The following HMG20A variants were observed in gnomAD, a reference collection of about 807,000 sequenced individuals.
HMG20A encodes the protein high mobility group 20A.
In HMG20A, 17 loss-of-function variants were observed where a neutral mutation model predicts 43.9. The ratio of observed to expected loss-of-function variants is 0.39; its 90% CI spans 0.27 to 0.58. The LOEUF is 0.58. HMG20A is among the 20% of genes least tolerant of loss of function. The pLI, the probability that HMG20A is intolerant of heterozygous loss-of-function variation, is 0.59. For missense variants in HMG20A, 341 were observed against 438.2 expected (o/e 0.78, Z 1.98); for synonymous variants, 132 against 147.5 (o/e 0.89, Z 0.76).
downstream of HMG20A, among the ~76,000 whole-genome samples, chr15:77,490,456 G>A (rs2072966481): frequency 6.6e-6 from 1 of 152,144 alleles, no homozygotes; most frequent in Non-Finnish European, 1.5e-5. Context: ...GATTAATTCA[G>A]GATATAGTTT....
At chr15:77,491,611 C>T in the HMG20A span, among the ~76,000 whole-genome samples, 1,527 of 152,216 alleles carry the variant, frequency 0.01, 32 homozygotes, top group African/African-American at 0.035. Flanking sequence ...CAAAAGCTAA[C>T]TACAATAGGG....
intron 1 of HMG20A, among the ~76,000 whole-genome samples, chr15:77,438,047 C>G (rs1342887804): frequency 2.0e-5 from 3 of 151,958 alleles, no homozygotes; most frequent in Non-Finnish European, 4.4e-5. Flanking sequence ...GCCTTGAACT[C>G]CTAGGCAAAA....
At position 77,467,150 on chromosome 15, in the gene HMG20A, G is replaced by A. The variant is rs907628482; in HGVS notation, c.293G>A (p.Arg98Gln). Residue 98 changes from arginine (R) to glutamine (Q), a missense_variant, in exon 4 of 10, where the codon CGA (arginine) becomes CAA (glutamine). By Grantham distance (43) the Arg-to-Gln change is conservative. Around this residue, in one of 3 missense-constraint regions of HMG20A, gnomAD observed 220 missense variants for 263.6 expected, o/e 0.83. Coordinates refer to ENST00000336216, the MANE Select transcript of HMG20A (RefSeq NM_001304504.2). ...SKGRKRKKPL[R>Q]DSNAPKSPLT... ...GGAAGAAAGAGGAAGAAACCTCTTC[G>A]AGACAGCAATGCACCCAAATCCCCC... The A allele has an allele frequency of 2.5e-6, 4 of 1,613,962 alleles. No individual in the cohort carries two copies. The highest frequency in any genetic ancestry group is 2.7e-5 in the African/African-American group (2 of 74,898).
chr15:77,490,292 A>G (rs1374000710), downstream of HMG20A, among the ~76,000 whole-genome samples: 1 of 152,116 alleles, frequency 6.6e-6, no homozygotes, highest in East Asian at 1.9e-4. Context: ...TGTCTCAAAA[A>G]ATAAAAAGTA....
At chr15:77,452,215 A>G (rs2072609530) in intron 1 of HMG20A, among the ~76,000 whole-genome samples, 1 of 152,210 alleles carries the variant, frequency 6.6e-6, no homozygotes, top group Non-Finnish European at 1.5e-5. Context: ...ACATAATTGT[A>G]TTTGCTCATC....
chr15:77,427,283 A>T (rs2142267823), intron 1 of HMG20A, among the ~76,000 whole-genome samples: 1 of 152,312 alleles, frequency 6.6e-6, no homozygotes, highest in African/African-American at 2.4e-5. Flanking sequence ...ATTCATTTGA[A>T]GAAATATTTG....
At chr15:77,514,441 G>A in the HMG20A span, among the ~76,000 whole-genome samples, 4 of 151,982 alleles carry the variant, frequency 2.6e-5, no homozygotes, top group South Asian at 6.2e-4. Flanking sequence ...TACTGAAATG[G>A]ATAGTGGCTA....
chr15:77,515,186 G>A, the HMG20A span, among the ~76,000 whole-genome samples: 2 of 152,116 alleles, frequency 1.3e-5, no homozygotes, highest in African/African-American at 4.8e-5. Flanking sequence ...GGGCAAGACG[G>A]GTACACAAAT....
At chr15:77,421,221 T>G in intron 1 of HMG20A, 57 of 286,234 alleles carry the variant, frequency 2.0e-4, no homozygotes, top group Non-Finnish European at 2.4e-4. Context: ...GGTTTGGGGG[T>G]GTCCGACCCA....
chr15:77,465,419 GGA>G (rs1454930535), intron 3 of HMG20A, among the ~76,000 whole-genome samples: 7 of 146,648 alleles, frequency 4.8e-5, no homozygotes, highest in Admixed American at 3.4e-4. Flanking sequence ...TTTTTGAGGT[GGA>G]GTCTTATTCT....
chr15:77,511,549 A>C, the HMG20A span, among the ~76,000 whole-genome samples: 1 of 152,244 alleles, frequency 6.6e-6, no homozygotes, highest in African/African-American at 2.4e-5. Flanking sequence ...AATATCCAGA[A>C]TATATAAAGA....
intron 4 of HMG20A, 122 bp downstream of exon 4, chr15:77,467,429 C>T (rs566947760): frequency 2.8e-4 from 211 of 746,942 alleles, no homozygotes; most frequent in Middle Eastern, 7.2e-4. Flanking sequence ...CCTAGGAGAC[C>T]AGAATAGCAG....
At chr15:77,477,769 G>T in intron 7 of HMG20A, 139 bp downstream of exon 7, 2 of 608,848 alleles carry the variant, frequency 3.3e-6, no homozygotes, top group Non-Finnish European at 5.8e-6. Context: ...GAAAGCTAGG[G>T]CATTGTTGTC....
chr15:77,482,767 TA>T (rs1567409355), intron 9 of HMG20A: 1 of 152,258 alleles, frequency 6.6e-6, no homozygotes. Flanking sequence ...AAATGTTATG[TA>T]AAACATCTCA....
chr15:77,448,014 A>C (rs1350794548), intron 1 of HMG20A, among the ~76,000 whole-genome samples: 1 of 152,240 alleles, frequency 6.6e-6, no homozygotes, highest in Non-Finnish European at 1.5e-5. Flanking sequence ...CACAGTTTAT[A>C]GATTCTAGTC....
At chr15:77,497,655 T>TAGAGAGAGAGAGAGAGAGAGAGAGAGAG in the HMG20A span, among the ~76,000 whole-genome samples, 3 of 128,076 alleles carry the variant, frequency 2.3e-5, no homozygotes, top group African/African-American at 9.9e-5. Flanking sequence ...GAGATATTAA[T>TAGAGAGAGAGAGAGAGAGAGAGAGAGAG]AGAGAGAGAG....
At chr15:77,493,375 G>C in the HMG20A span, among the ~76,000 whole-genome samples, 1 of 152,220 alleles carries the variant, frequency 6.6e-6, no homozygotes, top group South Asian at 2.1e-4. Flanking sequence ...GGGATTTAGA[G>C]GAGCTGAAAG....
At chr15:77,479,524 C>G (rs2072888040) in intron 9 of HMG20A, 1 of 499,824 alleles carries the variant, frequency 2.0e-6, no homozygotes, top group African/African-American at 2.0e-5. Context: ...ACTTGGGAGG[C>G]TGAGGTGGGA....
chr15:77,507,943 TG>T, the HMG20A span, among the ~76,000 whole-genome samples: 1 of 110,518 alleles, frequency 9.0e-6, no homozygotes. Flanking sequence ...GTCTTGTCTT[TG>T]GGGGGGCCCA....
Sources: allele counts gnomAD v4.1 joint callset (sites outside exome capture counted in the v4.1 genomes callset), GRCh38; gene constraint gnomAD v4.1.1; regional missense constraint gnomAD v4.1.1; transcripts MANE v1.5; gene names NCBI Gene and HGNC (gene_info 2026-07-23, HGNC 2026-07-21).